ZNF609: variants seen among roughly 807,000 people sequenced by gnomAD.
The protein encoded by ZNF609 is zinc finger protein 609.
A neutral mutation model predicts 109.5 loss-of-function variants in ZNF609; 11 were observed. The observed-to-expected ratio is 0.10, with a 90% CI of 0.06 to 0.17. The LOEUF is 0.17. Ranked by LOEUF, ZNF609 falls within the 10% of genes least tolerant of loss-of-function variation. The probability of loss-of-function intolerance (pLI) is 1.00; values close to 1 mark genes in which losing one functional copy is unlikely to be tolerated. For synonymous variants in ZNF609, 646 were observed against 662.0 expected (o/e 0.98, Z 0.37); for missense variants, 1,559 against 1,772.4 (o/e 0.88, Z 2.16).
chr15:64,674,013 G>A lies in ZNF609; in HGVS notation c.1159G>A (p.Ala387Thr), dbSNP rs756847046. The change falls in exon 5 of 10, where the codon GCC (alanine) becomes ACC (threonine). Residue 387 changes from alanine (A) to threonine (T), a missense_variant. Ala to Thr is a moderately conservative substitution (Grantham distance 58). Around this residue, in one of 4 missense-constraint regions of ZNF609, gnomAD observed 1,204 missense variants for 1,314.1 expected, o/e 0.92. Coordinates refer to ENST00000326648, the MANE Select transcript of ZNF609 (RefSeq NM_015042.2). The part of the protein sequence containing the change: ...PNSNTPVNET[A>T]TASDSKGTSN... ...CAGTAATACACCTGTCAATGAGACA[G>A]CCACAGCCTCTGACAGCAAAGGGAC... is the stretch of plus-strand genomic sequence containing the variant. 2 of 1,614,056 alleles carry A rather than the reference G, an allele frequency of 1.2e-6. No individual in the cohort carries two copies. The highest frequency in any genetic ancestry group is 1.7e-6 in the Non-Finnish European group (2 of 1,180,052).
intron 3 of ZNF609, among the ~76,000 whole-genome samples, chr15:64,629,482 G>C (rs1357519428): frequency 6.6e-6 from 1 of 152,090 alleles, no homozygotes; most frequent in East Asian, 1.9e-4. Flanking sequence ...ACTGTTTCAG[G>C]CTCCTTAAAG....
chr15:64,629,727 G>T (rs1023705649), intron 3 of ZNF609, among the ~76,000 whole-genome samples: 2 of 152,070 alleles, frequency 1.3e-5, no homozygotes. Context: ...TTACTTCCCC[G>T]CACAAAATAG....
intron 1 of ZNF609, among the ~76,000 whole-genome samples, chr15:64,495,821 TC>T (rs35534945): frequency 0.051 from 7,713 of 150,718 alleles, 269 homozygotes; most frequent in Non-Finnish European, 0.083. Context: ...TAACCTGTTA[TC>T]TTTTTTTTTT....
chr15:64,476,027 A>G (rs1026555341), intron 1 of ZNF609, among the ~76,000 whole-genome samples: 1 of 152,216 alleles, frequency 6.6e-6, no homozygotes, highest in Non-Finnish European at 1.5e-5. Flanking sequence ...CCTTTACTGC[A>G]TATGACTGTA....
chr15:64,677,793 G>C (rs998545024), intron 5 of ZNF609, among the ~76,000 whole-genome samples: 1 of 152,174 alleles, frequency 6.6e-6, no homozygotes, highest in Non-Finnish European at 1.5e-5. Context: ...CATATTGGAA[G>C]GGGCAGCCTC....
intron 3 of ZNF609, among the ~76,000 whole-genome samples, chr15:64,646,634 CAAAAAAAA>C (rs1180524819): frequency 9.8e-5 from 3 of 30,692 alleles, no homozygotes; most frequent in African/African-American, 1.4e-4. Context: ...GACTCCATCT[CAAAAAAAA>C]AAAAAAAAAA....
At chr15:64,529,804 C>T in intron 2 of ZNF609, 1 of 451,856 alleles carries the variant, frequency 2.2e-6, no homozygotes, top group South Asian at 2.0e-5. Flanking sequence ...AACCTCGGCT[C>T]ACCACAACCT....
Position 64,680,781 on chromosome 15 carries a change from C to A in ZNF609, c.4081C>A (p.Arg1361Ser). Residue 1361 changes from arginine (R) to serine (S), a missense_variant, in exon 8 of 10, where the codon CGC (arginine) becomes AGC (serine). By Grantham distance (110) the Arg-to-Ser change is moderately radical. Around this residue, in one of 4 missense-constraint regions of ZNF609, gnomAD observed 1,204 missense variants for 1,314.1 expected, o/e 0.92. Coordinates refer to ENST00000326648, the MANE Select transcript of ZNF609 (RefSeq NM_015042.2). ...VDRPRTSPSQ[R>S]LMSTHHHHHH... ...CCGGCCCCGCACCTCTCCTTCCCAG[C>A]GCCTGATGTCCACACACCACCACCA... 6.2e-7 allele frequency: 1 copy of A among 1,613,638 alleles called. No homozygotes were observed. The highest frequency in any genetic ancestry group is 8.5e-7 in the Non-Finnish European group (1 of 1,180,004).
chr15:64,579,118 T>C (rs1024956911), intron 2 of ZNF609, among the ~76,000 whole-genome samples: 1 of 152,070 alleles, frequency 6.6e-6, no homozygotes. Flanking sequence ...TTTATGTCTT[T>C]TTTGTTCCTC....
At chr15:64,471,364 A>G (rs1893088729) in intron 1 of ZNF609, 1 of 151,676 alleles carries the variant, frequency 6.6e-6, no homozygotes, top group Non-Finnish European at 1.5e-5. Context: ...GTGTCTTTAA[A>G]AAAAAAAAAA....
rs1194020892 is a variant in ZNF609, at chr15:64,681,331, T to C, written c.4185T>C (p.Val1395=). The change falls in exon 9 of 10, where the codon GTT becomes GTC. Residue 1395 remains valine (V), a synonymous_variant. Transcript: ENST00000326648. ...YAAGLSSTAI[V]ASQQGSTPSL... The stretch of plus-strand genomic sequence containing the variant: ...CAGGGCTTTCTTCTACAGCCATTGT[T>C]GCCAGCCAACAAGGCTCAACTCCCT... The C allele has an allele frequency of 6.2e-7, 1 of 1,614,132 alleles. No individual in the cohort carries two copies. The highest frequency in any genetic ancestry group is 8.5e-7 in the Non-Finnish European group (1 of 1,179,978).
intron 4 of ZNF609, among the ~76,000 whole-genome samples, chr15:64,673,163 T>G (rs1896761174): frequency 6.6e-6 from 1 of 152,206 alleles, no homozygotes; most frequent in East Asian, 1.9e-4. Flanking sequence ...AGAACTGTTC[T>G]GGGAACCCAA....
intron 1 of ZNF609, among the ~76,000 whole-genome samples, chr15:64,479,591 C>T (rs938134285): frequency 2.0e-5 from 3 of 151,698 alleles, no homozygotes; most frequent in East Asian, 2.0e-4. Context: ...GCGCCTGGCC[C>T]GTACCTGTGT....
chr15:64,542,342 G>A (rs1894278992), intron 2 of ZNF609, among the ~76,000 whole-genome samples: 1 of 152,164 alleles, frequency 6.6e-6, no homozygotes, highest in Non-Finnish European at 1.5e-5. Flanking sequence ...TATTTTTCAA[G>A]TAGTTAATGT....
chr15:64,525,502 TGTGA>T (rs1396964001), intron 2 of ZNF609, among the ~76,000 whole-genome samples: 1 of 152,236 alleles, frequency 6.6e-6, no homozygotes, highest in Non-Finnish European at 1.5e-5. Flanking sequence ...TGTTGAGAAT[TGTGA>T]GTCTTTCAAC....
intron 5 of ZNF609, 137 bp from the exon 6 acceptor site, chr15:64,677,979 A>C (rs1157655655): frequency 8.5e-7 from 1 of 1,173,222 alleles, no homozygotes; most frequent in African/African-American, 1.5e-5. Flanking sequence ...AAACAAGATC[A>C]GTAGAGGCCA....
chr15:64,475,221 C>G (rs1402125512), intron 1 of ZNF609, among the ~76,000 whole-genome samples: 1 of 149,942 alleles, frequency 6.7e-6, no homozygotes, highest in African/African-American at 2.5e-5. Context: ...GCTCCCAGGA[C>G]AGTTAACTCC....
chr15:64,495,047 G>A (rs1056354950), intron 1 of ZNF609, among the ~76,000 whole-genome samples: 1 of 151,974 alleles, frequency 6.6e-6, no homozygotes, highest in African/African-American at 2.4e-5. Flanking sequence ...TCCAGCTACC[G>A]TTTCAGAAAA....
intron 3 of ZNF609, among the ~76,000 whole-genome samples, chr15:64,638,759 G>T (rs186807529): frequency 3.9e-5 from 6 of 152,200 alleles, no homozygotes; most frequent in Admixed American, 2.0e-4. Context: ...GCCAGGCTTG[G>T]TTGCAAGCGC....
Sources: allele counts gnomAD v4.1 joint callset (sites outside exome capture counted in the v4.1 genomes callset), GRCh38; gene constraint gnomAD v4.1.1; regional missense constraint gnomAD v4.1.1; transcripts MANE v1.5; gene names NCBI Gene and HGNC (gene_info 2026-07-23, HGNC 2026-07-21).